HSD3B2: variants seen among roughly 807,000 people sequenced by gnomAD.
HSD3B2 encodes 3 beta-hydroxysteroid dehydrogenase/Delta 5-->4-isomerase type 2.
In HSD3B2, 8 loss-of-function variants were observed where a neutral mutation model predicts 9.9. The observed-to-expected ratio is 0.81, with a 90% CI of 0.47 to 1.46. The LOEUF (loss-of-function observed/expected upper bound fraction) is 1.46. Among genes scored for constraint, HSD3B2 ranks in the 40% most tolerant of loss-of-function variants. The pLI is 0.00. For missense variants in HSD3B2, 410 were observed against 448.3 expected (o/e 0.91, Z 0.77); for synonymous variants, 221 against 184.5 (o/e 1.20, Z -1.60).
intron 3 of HSD3B2, among the ~76,000 whole-genome samples, chr1:119,421,455 ATATATATATGTATATATATATG>A (rs772060788): frequency 0.34 from 9,371 of 27,458 alleles, 1,130 homozygotes; most frequent in East Asian, 0.51. Flanking sequence ...ATATATATGT[ATATATATATGTATATATATATG>A]TATATATATA....
chr1:119,415,705 A>G, intron 2 of HSD3B2, 144 bp downstream of exon 2: 1 of 904,908 alleles, frequency 1.1e-6, no homozygotes, highest in Non-Finnish European at 1.8e-6. Context: ...AAGGAAATAG[A>G]ATAAAATGGT....
At chr1:119,417,661 A>G (rs964314459) in intron 2 of HSD3B2, among the ~76,000 whole-genome samples, 3 of 152,168 alleles carry the variant, frequency 2.0e-5, no homozygotes, top group African/African-American at 7.2e-5. Flanking sequence ...GCATCAGAAG[A>G]GCAAATGGTC....
At chr1:119,416,667 G>A (rs775319719) in intron 2 of HSD3B2, among the ~76,000 whole-genome samples, 5 of 152,110 alleles carry the variant, frequency 3.3e-5, no homozygotes, top group Non-Finnish European at 5.9e-5. Flanking sequence ...TCTTCTTCAT[G>A]CAGGTTCTGG....
At chr1:119,421,453 G>GTATA (rs201598230) in intron 3 of HSD3B2, among the ~76,000 whole-genome samples, 1 of 17,314 alleles carries the variant, frequency 5.8e-5, no homozygotes, top group African/African-American at 1.5e-4. Context: ...ATATATATAT[G>GTATA]TATATATATA....
intron 3 of HSD3B2, among the ~76,000 whole-genome samples, chr1:119,421,426 T>TA (rs1491453629): frequency 5.0e-5 from 1 of 20,142 alleles, no homozygotes; most frequent in African/African-American, 2.4e-4. Context: ...TGTATATATA[T>TA]GTATATATAT....
intron 2 of HSD3B2, 142 bp from the exon 3 acceptor site, chr1:119,419,276 T>C (rs1651793988): frequency 1.3e-5 from 10 of 768,114 alleles, no homozygotes; most frequent in Non-Finnish European, 2.2e-5. Flanking sequence ...GTTTACTTGT[T>C]CCTTTTATGG....
At position 119,422,721 on chromosome 1, in the gene HSD3B2, G is replaced by T; in HGVS notation, c.*101G>T. ...GAAGGCAACAGGGGCACAAGCCCAG[G>T]TCCTGCTGCCTCTCTTTCACACAAT... On this transcript the variant is annotated 3_prime_UTR_variant, in exon 4 of 4. Transcript: ENST00000369416. 7.2e-7 allele frequency: 1 copy of T among 1,384,126 alleles called. No individual in the cohort carries two copies. Among genetic ancestry groups the T allele is most frequent in the East Asian group, 2.4e-5 (1 of 41,350 alleles). 85.7% of individuals were successfully genotyped at this position (1,384,126 alleles called of 1,614,324 possible).
intron 2 of HSD3B2, among the ~76,000 whole-genome samples, chr1:119,415,996 T>A (rs587697575): frequency 6.6e-6 from 1 of 152,282 alleles, no homozygotes; most frequent in African/African-American, 2.4e-5. Flanking sequence ...GCTTCCTTAG[T>A]ATCTTTAGTG....
Position 119,415,169 on chromosome 1 carries a change from C to T in HSD3B2, c.-123C>T, listed in dbSNP as rs1651668852. 4.3e-6 allele frequency: 2 copies of T among 468,976 alleles called. No individual in the cohort carries two copies. Among genetic ancestry groups the T allele is most frequent in the Non-Finnish European group, 3.9e-6 (1 of 254,928 alleles). The allele number at this position is 468,976 out of a possible 1,614,324, so 29.1% of individuals were successfully genotyped here. ...AGGGATGAGGCAGTAAGGACTTGGA[C>T]TCCTCTGTCCAGCTTTTAACAATCT... On this transcript the variant is annotated 5_prime_UTR_variant, in exon 1 of 4. Coordinates refer to ENST00000369416, the MANE Select transcript of HSD3B2 (RefSeq NM_000198.4).
In HSD3B2 at chr1:119,415,426, T is replaced by A; in HGVS notation, c.7T>A (p.Trp3Arg). MG[W>R]SCLVTGAGGL... ...CTACTTTGGATTGGCCACGATGGGC[T>A]GGAGCTGCCTTGTGACAGGAGCAGG... The change falls in exon 2 of 4, where the codon TGG (tryptophan) becomes AGG (arginine). Residue 3 changes from tryptophan (W) to arginine (R), a missense_variant. By Grantham distance (101) the Trp-to-Arg change is moderately radical. Transcript: ENST00000369416. 1 of 1,613,936 alleles carries A rather than the reference T, an allele frequency of 6.2e-7. No homozygotes were observed. Among genetic ancestry groups the A allele is most frequent in the Non-Finnish European group, 8.5e-7 (1 of 1,179,880 alleles).
chr1:119,417,471 G>A (rs887247095), intron 2 of HSD3B2: 5 of 152,212 alleles, frequency 3.3e-5, no homozygotes, highest in Admixed American at 1.3e-4. Flanking sequence ...CGGCAGCAAA[G>A]GAGAAGCAGA....
rs748018110 is a variant in HSD3B2 at position 119,415,478 on chromosome 1, G to A, written c.59G>A (p.Arg20His). 1.9e-5 allele frequency: 30 copies of A among 1,613,732 alleles called. No homozygotes were observed. Among genetic ancestry groups the A allele is most frequent in the Middle Eastern group, 1.6e-4 (1 of 6,080 alleles). The change falls in exon 2 of 4, where the codon CGC becomes CAC. Residue 20 changes from arginine (R) to histidine (H), a missense_variant. Arg to His is a conservative substitution (Grantham distance 29). Transcript: ENST00000369416. Reference sequence around the variant, plus strand: ...GGGCTTCTGGGTCAGAGGATCGTCCGCCTGTTGGTGGAAGAGAAGGAACTG... The same window carrying A: ...GGGCTTCTGGGTCAGAGGATCGTCCACCTGTTGGTGGAAGAGAAGGAACTG... ...AGGLLGQRIV[R>H]LLVEEKELKE...
At chr1:119,421,611 G>A (rs1651878298) in intron 3 of HSD3B2, among the ~76,000 whole-genome samples, 198 bp from the exon 4 acceptor site, 1 of 150,604 alleles carries the variant, frequency 6.6e-6, no homozygotes, top group Non-Finnish European at 1.5e-5. Flanking sequence ...GAACCCAAAT[G>A]TCAGTTTCTT....
chr1:119,422,845 G>A lies in HSD3B2; in HGVS notation c.*225G>A. On this transcript the variant is annotated 3_prime_UTR_variant, in exon 4 of 4. Transcript: ENST00000369416. ...TCATACACCAGAAGACAAACAATATGATTTGCTGTTACCAAATCTCAGTGG... is the reference window on the plus strand; with the variant it reads ...TCATACACCAGAAGACAAACAATATAATTTGCTGTTACCAAATCTCAGTGG... 1 of 606,700 alleles carries A rather than the reference G, an allele frequency of 1.6e-6. No individual in the cohort carries two copies. The highest frequency in any genetic ancestry group is 2.9e-6 in the Non-Finnish European group (1 of 342,948). 37.6% of individuals were successfully genotyped at this position (606,700 alleles called of 1,614,324 possible).
At chr1:119,420,678 C>T (rs1172741394) in intron 3 of HSD3B2, among the ~76,000 whole-genome samples, 1 of 152,192 alleles carries the variant, frequency 6.6e-6, no homozygotes, top group Non-Finnish European at 1.5e-5. Context: ...TCAAATTGCA[C>T]AGAGACTTTA....
intron 3 of HSD3B2, 87 bp downstream of exon 3, chr1:119,419,669 T>A (rs1316653997): frequency 3.1e-5 from 41 of 1,308,188 alleles, no homozygotes; most frequent in Non-Finnish European, 4.1e-5. Context: ...GTCACTCCAT[T>A]GAACACCTGC....
chr1:119,419,705 T>C, intron 3 of HSD3B2, 123 bp downstream of exon 3: 3 of 921,836 alleles, frequency 3.3e-6, no homozygotes, highest in Admixed American at 2.0e-5. Flanking sequence ...GTGCCTTTGC[T>C]GATCACTACT....
Position 119,422,966 on chromosome 1 carries a change from T to G in HSD3B2, c.*346T>G. On this transcript the variant is annotated 3_prime_UTR_variant, in exon 4 of 4. Transcript: ENST00000369416. ...CTTAAATGAGAAAGCATTTCTTTTCTCTTTAATCTCCTATTCCTTCACACA... is the reference window on the plus strand; with the variant it reads ...CTTAAATGAGAAAGCATTTCTTTTCGCTTTAATCTCCTATTCCTTCACACA... The G allele has an allele frequency of 2.3e-6, 1 of 440,168 alleles. No homozygotes were observed. The highest frequency in any genetic ancestry group is 4.2e-6 in the Non-Finnish European group (1 of 240,708). The allele number at this position is 440,168 out of a possible 1,614,324, so 27.3% of individuals were successfully genotyped here.
intron 3 of HSD3B2, chr1:119,419,935 G>A: frequency 3.0e-6 from 1 of 338,420 alleles, no homozygotes; most frequent in Non-Finnish European, 5.7e-6. Flanking sequence ...ACGATATCCA[G>A]CTACTCCTTG....
Sources: allele counts gnomAD v4.1 joint callset (sites outside exome capture counted in the v4.1 genomes callset), GRCh38; gene constraint gnomAD v4.1.1; transcripts MANE v1.5; gene names NCBI Gene and HGNC (gene_info 2026-07-23, HGNC 2026-07-21).